The following ARK2C variants were observed in gnomAD, a reference collection of about 807,000 sequenced individuals.
ARK2C encodes arkadia (RNF111) C-terminal like ring finger ubiquitin ligase 2C, also known as E3 ubiquitin-protein ligase ARK2C.
chr18:46,384,907 C>G, the ARK2C span, among the ~76,000 whole-genome samples: 1 of 152,184 alleles, frequency 6.6e-6, no homozygotes, highest in Non-Finnish European at 1.5e-5. Context: ...AATGTCCTGC[C>G]TTTTCCCTGG....
At chr18:46,367,403 T>A in the ARK2C span, among the ~76,000 whole-genome samples, 1 of 152,152 alleles carries the variant, frequency 6.6e-6, no homozygotes, top group South Asian at 2.1e-4. Flanking sequence ...TAGGAAACAA[T>A]TTGTCCATAG....
At chr18:46,459,247 T>G in the ARK2C span, 3 of 152,266 alleles carry the variant, frequency 2.0e-5, no homozygotes, top group Non-Finnish European at 4.4e-5. Flanking sequence ...GGCTCTTCAC[T>G]GACAAAGTGG....
the ARK2C span, among the ~76,000 whole-genome samples, chr18:46,392,490 A>G: frequency 6.6e-6 from 1 of 152,222 alleles, no homozygotes; most frequent in Non-Finnish European, 1.5e-5. Flanking sequence ...ATTGTTTGCC[A>G]GCTCTCAGAG....
the ARK2C span, chr18:46,456,194 A>G: frequency 1.4e-6 from 1 of 720,278 alleles, no homozygotes; most frequent in Non-Finnish European, 2.5e-6. Flanking sequence ...CGTATGTGCC[A>G]AGTGTGCTAT....
At chr18:46,401,316 C>T in the ARK2C span, among the ~76,000 whole-genome samples, 1 of 152,136 alleles carries the variant, frequency 6.6e-6, no homozygotes, top group African/African-American at 2.4e-5. Flanking sequence ...GGATGTGGTG[C>T]GCTTCACCCC....
the ARK2C span, among the ~76,000 whole-genome samples, chr18:46,357,064 T>C: frequency 1.2e-3 from 178 of 152,334 alleles, no homozygotes; most frequent in Non-Finnish European, 1.9e-3. Context: ...AGATCTACCT[T>C]TCTGAGGTAG....
chr18:46,408,229 C>T, the ARK2C span, among the ~76,000 whole-genome samples: 12 of 152,280 alleles, frequency 7.9e-5, no homozygotes, highest in Admixed American at 2.0e-4. Flanking sequence ...GCTACTGATT[C>T]AGGGGAAGGT....
the ARK2C span, among the ~76,000 whole-genome samples, chr18:46,391,648 T>C: frequency 1.3e-5 from 2 of 151,916 alleles, no homozygotes; most frequent in Admixed American, 6.6e-5. Context: ...TTTGGTGACA[T>C]ATTAAAATGT....
chr18:46,390,695 G>A, the ARK2C span, among the ~76,000 whole-genome samples: 2,107 of 152,270 alleles, frequency 0.014, 19 homozygotes, highest in South Asian at 0.028. Context: ...GGAATATCAG[G>A]CTAAGGAGAT....
At chr18:46,415,281 G>A in the ARK2C span, among the ~76,000 whole-genome samples, 2 of 152,222 alleles carry the variant, frequency 1.3e-5, no homozygotes, top group Admixed American at 1.3e-4. Flanking sequence ...AACACTTTGG[G>A]AGGCCGAGGT....
chr18:46,396,942 G>A, the ARK2C span, among the ~76,000 whole-genome samples: 1 of 152,244 alleles, frequency 6.6e-6, no homozygotes, highest in Non-Finnish European at 1.5e-5. Flanking sequence ...CAGCCTGGGG[G>A]GTTCCCCTTT....
At chr18:46,363,188 T>A in the ARK2C span, among the ~76,000 whole-genome samples, 4 of 152,226 alleles carry the variant, frequency 2.6e-5, no homozygotes, top group Non-Finnish European at 5.9e-5. Context: ...GGAGTCTAAA[T>A]GAATGTGGCT....
the ARK2C span, chr18:46,450,837 A>G: frequency 2.0e-6 from 3 of 1,486,746 alleles, no homozygotes; most frequent in South Asian, 3.4e-5. Context: ...TAGTCAGGGA[A>G]TGGGGCAGGG....
chr18:46,366,204 C>T, the ARK2C span, among the ~76,000 whole-genome samples: 1 of 146,856 alleles, frequency 6.8e-6, no homozygotes, highest in Non-Finnish European at 1.5e-5. Context: ...AGGCAGGAGA[C>T]TCGCTTGAAC....
the ARK2C span, among the ~76,000 whole-genome samples, chr18:46,441,967 A>C: frequency 3.1e-4 from 47 of 151,112 alleles, no homozygotes; most frequent in Non-Finnish European, 6.2e-4. Flanking sequence ...GATCGAGACC[A>C]TCCTGGCTGA....
At chr18:46,345,469 C>T in the ARK2C span, among the ~76,000 whole-genome samples, 5 of 152,170 alleles carry the variant, frequency 3.3e-5, no homozygotes, top group African/African-American at 9.7e-5. Context: ...ATCAGGTTCC[C>T]GCCTTCTCAG....
the ARK2C span, among the ~76,000 whole-genome samples, chr18:46,410,164 G>A: frequency 9.6e-4 from 146 of 152,278 alleles, no homozygotes; most frequent in African/African-American, 3.4e-3. Context: ...TGACCTCAGG[G>A]CCCTGCTCTG....
At chr18:46,345,554 T>A in the ARK2C span, among the ~76,000 whole-genome samples, 3 of 152,164 alleles carry the variant, frequency 2.0e-5, no homozygotes, top group African/African-American at 7.2e-5. Flanking sequence ...CTGGGGAGCA[T>A]CTGGCTGGGG....
At chr18:46,346,561 C>A in the ARK2C span, among the ~76,000 whole-genome samples, 96 of 152,314 alleles carry the variant, frequency 6.3e-4, no homozygotes, top group African/African-American at 2.3e-3. Context: ...CAGTCTTTAG[C>A]TTGACCACCT....
Sources: gnomAD v4.1 joint callset for allele counts (sites outside exome capture counted in the v4.1 genomes callset) on GRCh38, gnomAD v4.1.1 for gene constraint, MANE v1.5 for transcripts, NCBI Gene and HGNC (gene_info 2026-07-23, HGNC 2026-07-21) for gene names.